Variants in KCNB2 observed in about 807,000 individuals in gnomAD.
The protein encoded by KCNB2 is delayed rectifier potassium channel protein.
KCNB2 carries 15 observed loss-of-function variants against 61.5 expected under a neutral mutation model. The observed-to-expected ratio is 0.24, with a 90% confidence interval of 0.16 to 0.38. The LOEUF is 0.38. KCNB2 is among the 10% of genes least tolerant of loss of function. The probability of loss-of-function intolerance (pLI) is 1.00; values close to 1 mark genes in which losing one functional copy is unlikely to be tolerated. For missense variants in KCNB2, 828 were observed against 1,125.2 expected, an observed-to-expected ratio of 0.74 and a Z score of 3.78; for synonymous variants, 457 against 446.0, an observed-to-expected ratio of 1.02 and a Z score of -0.31.
intron 2 of KCNB2, among the ~76,000 whole-genome samples, chr8:72,737,403 C>G (rs915384866): frequency 1.5e-4 from 23 of 152,154 alleles, no homozygotes; most frequent in Non-Finnish European, 3.2e-4. Flanking sequence ...TACTGTGGGA[C>G]AAGGTTACAC....
chr8:72,631,217 G>T (rs1012550880), intron 2 of KCNB2, among the ~76,000 whole-genome samples: 1 of 152,160 alleles, frequency 6.6e-6, no homozygotes, highest in African/African-American at 2.4e-5. Flanking sequence ...TGAAACTGCG[G>T]ATCAGAGGAG....
chr8:72,602,742 TGGCTGATCTTTGCTCATGA>T (rs1805374200), intron 2 of KCNB2, among the ~76,000 whole-genome samples: 1 of 152,160 alleles, frequency 6.6e-6, no homozygotes, highest in African/African-American at 2.4e-5. Context: ...AGCTGACAGT[TGGCTGATCTTTGCTCATGA>T]GCCTGACACC....
chr8:72,836,307 G>T (rs527546666), intron 2 of KCNB2, among the ~76,000 whole-genome samples: 4 of 152,212 alleles, frequency 2.6e-5, no homozygotes, highest in African/African-American at 9.6e-5. Context: ...TCAACTTATG[G>T]TAAATGAAAC....
At chr8:72,618,267 CA>C (rs1292834928) in intron 2 of KCNB2, among the ~76,000 whole-genome samples, 2 of 152,028 alleles carry the variant, frequency 1.3e-5, no homozygotes, top group Non-Finnish European at 2.9e-5. Flanking sequence ...AGCTCAAGAT[CA>C]AAACCAAATA....
At position 72,677,145 on chromosome 8, in the gene KCNB2, G is replaced by A. The variant is rs117557009; in HGVS notation, c.579+108832G>A. Reference sequence around the variant, plus strand: ...GAACTCCTGTGATGCTTGGAGTCATGCTGCCACAAGCCAGGCAACTACAGG... The same window carrying A: ...GAACTCCTGTGATGCTTGGAGTCATACTGCCACAAGCCAGGCAACTACAGG... On this transcript the variant is annotated intron_variant, in intron 2 of 2. Coordinates refer to ENST00000523207, the MANE Select transcript of KCNB2 (RefSeq NM_004770.3). 9.8e-3 allele frequency among the ~76,000 whole-genome samples: 1,498 copies of A among 152,224 alleles called. 19 individuals are homozygous for A. The highest frequency in any genetic ancestry group is 0.016 in the Non-Finnish European group (1,086 of 68,024).
chr8:72,899,933 G>A (rs1806059372), intron 2 of KCNB2, among the ~76,000 whole-genome samples: 1 of 152,128 alleles, frequency 6.6e-6, no homozygotes, highest in African/African-American at 2.4e-5. Context: ...ATTTTGGGAG[G>A]CCAAGGCAGG....
chr8:72,924,205 C>T (rs1806590256), intron 2 of KCNB2, among the ~76,000 whole-genome samples: 1 of 152,144 alleles, frequency 6.6e-6, no homozygotes, highest in Non-Finnish European at 1.5e-5. Flanking sequence ...GAGACCACGT[C>T]AGCATCATCT....
In KCNB2 at chr8:72,829,943, T is replaced by C. The variant is rs143063825; in HGVS notation, c.580-105992T>C. 2.7e-3 allele frequency among the ~76,000 whole-genome samples: 344 copies of C among 126,888 alleles called. 2 individuals carry two copies. The highest frequency in any genetic ancestry group is 8.6e-3 in the Middle Eastern group (2 of 232). 83.2% of individuals were successfully genotyped at this position (126,888 alleles called of 152,430 possible). On this transcript the variant is annotated intron_variant, in intron 2 of 2. Transcript: ENST00000523207. ...ATTCTCTGTGAGGATAAAAGGGTAGTAAGAAGGGAAAAAGAAATGGAGGAA... is the reference window on the plus strand; with the variant it reads ...ATTCTCTGTGAGGATAAAAGGGTAGCAAGAAGGGAAAAAGAAATGGAGGAA...
intron 2 of KCNB2, among the ~76,000 whole-genome samples, chr8:72,719,007 A>G (rs1477712275): frequency 1.3e-5 from 2 of 150,730 alleles, no homozygotes; most frequent in Non-Finnish European, 2.9e-5. Flanking sequence ...TATGGCAAAT[A>G]GTAGTAACAA....
At position 72,821,628 on chromosome 8, in the gene KCNB2, ACACAAAAAAAAAC is replaced by A. The variant is rs1809508910; in HGVS notation, c.580-114306_580-114294del. ...ATTCAAAGTAAGTTCCTACACACACACACAAAAAAAAACAAAAAAAAAAAAAAAAAAACACACA... is the reference window on the plus strand; with the variant it reads ...ATTCAAAGTAAGTTCCTACACACACAAAAAAAAAAAAAAAAAAAACACACA... On this transcript the variant is annotated intron_variant, in intron 2 of 2. Coordinates refer to ENST00000523207, the MANE Select transcript of KCNB2 (RefSeq NM_004770.3). 6.5e-5 allele frequency among the ~76,000 whole-genome samples: 6 copies of A among 92,726 alleles called. No homozygotes were observed. The East Asian group carries it at 1.6e-3, about 25-fold the overall frequency. The allele number at this position is 92,726 out of a possible 152,430, so 60.8% of individuals were successfully genotyped here.
chr8:72,700,525 CAGAT>C (rs1263847438), intron 2 of KCNB2, among the ~76,000 whole-genome samples: 2 of 151,984 alleles, frequency 1.3e-5, no homozygotes, highest in Admixed American at 6.6e-5. Context: ...TCACACCAGT[CAGAT>C]AGCTGTCAAA....
rs150027737 is a variant in KCNB2, at chr8:72,666,252, G to A, written c.579+97939G>A. On this transcript the variant is annotated intron_variant, in intron 2 of 2. Coordinates refer to ENST00000523207, the MANE Select transcript of KCNB2 (RefSeq NM_004770.3). The stretch of plus-strand genomic sequence containing the variant: ...GGTAGGCGTTATTTTCTCTTCAGAA[G>A]TACACACCTGATACCATCTGCCTAC... Among the ~76,000 whole-genome samples, 24 of 152,242 alleles carry A rather than the reference G, an allele frequency of 1.6e-4. No individual in the cohort carries two copies. In the East Asian group the frequency reaches 3.9e-3, roughly 24 times the overall value.
chr8:72,613,405 T>C (rs1297477602), intron 2 of KCNB2, among the ~76,000 whole-genome samples: 1 of 152,232 alleles, frequency 6.6e-6, no homozygotes, highest in Admixed American at 6.5e-5. Context: ...CACACTGTTA[T>C]CCAATATACA....
At chr8:72,622,828 C>A (rs1805733203) in intron 2 of KCNB2, among the ~76,000 whole-genome samples, 1 of 152,166 alleles carries the variant, frequency 6.6e-6, no homozygotes, top group Non-Finnish European at 1.5e-5. Context: ...ATGCTCCATG[C>A]ATCTTAGTTA....
chr8:72,709,299 A>G (rs1279771239), intron 2 of KCNB2, among the ~76,000 whole-genome samples: 1 of 152,160 alleles, frequency 6.6e-6, no homozygotes, highest in Non-Finnish European at 1.5e-5. Context: ...TGTGGTAAGG[A>G]CAAGAGAAGA....
intron 1 of KCNB2, among the ~76,000 whole-genome samples, chr8:72,556,524 A>G (rs1346158400): frequency 1.3e-5 from 2 of 152,176 alleles, no homozygotes; most frequent in Non-Finnish European, 2.9e-5. Context: ...GGTGGTGTCT[A>G]TAGTTCAGGG....
intron 2 of KCNB2, among the ~76,000 whole-genome samples, chr8:72,602,045 TG>T (rs1328407941): frequency 5.3e-5 from 8 of 152,172 alleles, no homozygotes; most frequent in Non-Finnish European, 1.2e-4. Flanking sequence ...ACTGTGTGCC[TG>T]GGTTGCAATG....
intron 2 of KCNB2, among the ~76,000 whole-genome samples, chr8:72,756,173 T>C (rs929279541): frequency 6.6e-6 from 1 of 152,138 alleles, no homozygotes; most frequent in African/African-American, 2.4e-5. Flanking sequence ...TGGAAGCAGG[T>C]CACAGCCTTC....
chr8:72,794,791 C>G (rs977021426), intron 2 of KCNB2, among the ~76,000 whole-genome samples: 2 of 152,024 alleles, frequency 1.3e-5, no homozygotes, highest in Non-Finnish European at 2.9e-5. Context: ...TTTAGAAGCC[C>G]CCATTATGTA....
Sources: gnomAD v4.1 joint callset for allele counts (sites outside exome capture counted in the v4.1 genomes callset) on GRCh38, gnomAD v4.1.1 for gene constraint, MANE v1.5 for transcripts, NCBI Gene and HGNC (gene_info 2026-07-23, HGNC 2026-07-21) for gene names.